Variants in TFEC observed in about 807,000 individuals in gnomAD.
TFEC encodes the protein transcription factor EC.
In TFEC, 31 loss-of-function variants were observed where a neutral mutation model predicts 41.6. That is an observed-to-expected ratio of 0.74 (90% CI 0.56 to 1.01). The LOEUF (loss-of-function observed/expected upper bound fraction) is 1.01, where lower values mean the gene tolerates loss of function less well. Ranked by LOEUF, TFEC falls within the 50% of genes least tolerant of loss-of-function variation. The pLI, the probability that TFEC is intolerant of heterozygous loss-of-function variation, is 0.00. For synonymous variants in TFEC, 143 were observed against 140.6 expected, an observed-to-expected ratio of 1.02 and a Z score of -0.12; for missense variants, 402 against 404.1, an observed-to-expected ratio of 0.99 and a Z score of 0.04.
At chr7:116,001,834 A>G (rs1260142834) in intron 1 of TFEC, among the ~76,000 whole-genome samples, 1 of 152,222 alleles carries the variant, frequency 6.6e-6, no homozygotes, top group Non-Finnish European at 1.5e-5. Flanking sequence ...AAATGGGCAA[A>G]TAGTCCAAAT....
At chr7:116,050,718 C>A (rs1281955898) in intron 3 of TFEC, among the ~76,000 whole-genome samples, 1 of 152,176 alleles carries the variant, frequency 6.6e-6, no homozygotes, top group Non-Finnish European at 1.5e-5. Context: ...ACTAGTTCAA[C>A]CATTGTGGAA....
chr7:116,132,912 TTG>T (rs1033681990), intron 1 of TFEC, among the ~76,000 whole-genome samples: 7 of 152,188 alleles, frequency 4.6e-5, no homozygotes, highest in Admixed American at 3.3e-4. Context: ...ATTTCACCAA[TTG>T]TGTTTTTTGT....
At chr7:115,973,324 G>A (rs1161102604) in intron 3 of TFEC, among the ~76,000 whole-genome samples, 2 of 151,854 alleles carry the variant, frequency 1.3e-5, no homozygotes, top group African/African-American at 4.8e-5. Flanking sequence ...CCATCATAAT[G>A]TAGTCTAGCC....
At chr7:116,139,630 G>C (rs1798500895) in intron 1 of TFEC, among the ~76,000 whole-genome samples, 1 of 152,168 alleles carries the variant, frequency 6.6e-6, no homozygotes, top group Admixed American at 6.5e-5. Flanking sequence ...TTAAGAAACA[G>C]AAAACAATTC....
chr7:115,984,438 T>A lies in TFEC; in HGVS notation c.4A>T (p.Thr2Ser), dbSNP rs1793765060. The A allele has an allele frequency of 6.2e-7, 1 of 1,614,116 alleles. No individual in the cohort carries two copies. The highest frequency in any genetic ancestry group is 8.5e-7 in the Non-Finnish European group (1 of 1,179,990). Residue 2 changes from threonine (T) to serine (S), a missense_variant, in exon 2 of 8, where the codon ACC becomes TCC. Thr to Ser is a moderately conservative substitution (Grantham distance 58). Transcript: ENST00000265440. M[T>S]LDHQIINPTL... ...GGATTGATGATCTGATGATCAAGGGTCATGAAAGAGTTTACTTTCTGTCTC... is the reference window on the plus strand; with the variant it reads ...GGATTGATGATCTGATGATCAAGGGACATGAAAGAGTTTACTTTCTGTCTC...
At chr7:116,075,442 T>A (rs1398104720) in intron 3 of TFEC, among the ~76,000 whole-genome samples, 1 of 151,942 alleles carries the variant, frequency 6.6e-6, no homozygotes, top group Non-Finnish European at 1.5e-5. Flanking sequence ...AAAATGTGGG[T>A]GTGCTTGCCT....
At chr7:116,048,841 A>G (rs1338226793) in intron 3 of TFEC, among the ~76,000 whole-genome samples, 1 of 152,360 alleles carries the variant, frequency 6.6e-6, no homozygotes, top group East Asian at 1.9e-4. Context: ...ATTCTTAAAG[A>G]AAAGAATTTT....
At chr7:115,986,262 A>G (rs2130687403) in intron 1 of TFEC, among the ~76,000 whole-genome samples, 1 of 152,270 alleles carries the variant, frequency 6.6e-6, no homozygotes, top group South Asian at 2.1e-4. Flanking sequence ...AACAATTTAC[A>G]TATATTATCT....
chr7:116,043,625 C>T (rs891109428), intron 3 of TFEC, among the ~76,000 whole-genome samples: 2 of 152,066 alleles, frequency 1.3e-5, no homozygotes, highest in East Asian at 1.9e-4. Flanking sequence ...CCATTTCTTA[C>T]TCTCAAATAA....
intron 1 of TFEC, among the ~76,000 whole-genome samples, chr7:116,017,549 G>A (rs1247745074): frequency 1.3e-5 from 2 of 151,992 alleles, no homozygotes; most frequent in Non-Finnish European, 2.9e-5. Flanking sequence ...ATGAAATCCA[G>A]CTTCCGTACC....
chr7:116,061,916 C>T (rs1195534906), intron 3 of TFEC, among the ~76,000 whole-genome samples: 4 of 151,788 alleles, frequency 2.6e-5, no homozygotes, highest in Non-Finnish European at 5.9e-5. Flanking sequence ...ATTAGGATGA[C>T]TAAAATGTAA....
At chr7:115,991,934 C>A (rs893548812) in intron 1 of TFEC, among the ~76,000 whole-genome samples, 1 of 152,112 alleles carries the variant, frequency 6.6e-6, no homozygotes, top group African/African-American at 2.4e-5. Flanking sequence ...GCCCTTATTC[C>A]AAAATTGACC....
intron 1 of TFEC, among the ~76,000 whole-genome samples, chr7:116,129,963 T>TCATG (rs1029708219): frequency 6.6e-6 from 1 of 151,628 alleles, no homozygotes; most frequent in Non-Finnish European, 1.5e-5. Flanking sequence ...CTCCTTCCCC[T>TCATG]CATGCTATGA....
At chr7:116,023,958 T>G (rs1300397171) in intron 1 of TFEC, among the ~76,000 whole-genome samples, 1 of 152,168 alleles carries the variant, frequency 6.6e-6, no homozygotes, top group Admixed American at 6.6e-5. Context: ...TAATTCCCTT[T>G]TTTAGTGGAG....
chr7:116,049,165 C>A (rs190022889), intron 3 of TFEC, among the ~76,000 whole-genome samples: 6 of 152,142 alleles, frequency 3.9e-5, no homozygotes, highest in Non-Finnish European at 5.9e-5. Flanking sequence ...TAAATGCTCC[C>A]ATTAAAAGAC....
intron 3 of TFEC, among the ~76,000 whole-genome samples, chr7:116,092,070 C>T (rs142189943): frequency 6.6e-6 from 1 of 152,174 alleles, no homozygotes; most frequent in East Asian, 1.9e-4. Context: ...ACCTTTGTCT[C>T]CAGTAAAGCT....
chr7:116,119,885 T>C lies in TFEC; in HGVS notation c.-68-7847A>G, dbSNP rs184677673. Among the ~76,000 whole-genome samples, 223 of 151,586 alleles carry C rather than the reference T, an allele frequency of 1.5e-3. 2 individuals carry two copies. The highest frequency in any genetic ancestry group is 3.4e-3 in the Middle Eastern group (1 of 294). The stretch of plus-strand genomic sequence containing the variant: ...CTATATAAATCCAGGAATTTCTAAA[T>C]ATAGCTTGATACATCCATATAAAGT... On this transcript the variant is annotated intron_variant, in intron 1 of 8. Transcript: ENST00000484212.
intron 1 of TFEC, among the ~76,000 whole-genome samples, chr7:115,994,248 A>C (rs2130737630): frequency 6.6e-6 from 1 of 152,334 alleles, no homozygotes; most frequent in African/African-American, 2.4e-5. Flanking sequence ...AAAACCATAA[A>C]AACCCTAGAA....
intron 2 of TFEC, 81 bp downstream of exon 2, chr7:115,984,181 T>C (rs1793746862): frequency 2.6e-6 from 4 of 1,522,958 alleles, no homozygotes; most frequent in Non-Finnish European, 3.6e-6. Context: ...ATGTTTACTG[T>C]AAAATGTTGA....
Sources: gnomAD v4.1 joint callset for allele counts (sites outside exome capture counted in the v4.1 genomes callset) on GRCh38, gnomAD v4.1.1 for gene constraint, MANE v1.5 for transcripts, NCBI Gene and HGNC (gene_info 2026-07-23, HGNC 2026-07-21) for gene names.